AMZ1: variants seen among roughly 807,000 people sequenced by gnomAD.
The protein encoded by AMZ1 is archaemetzincin-1.
A neutral mutation model predicts 29.9 loss-of-function variants in AMZ1; 39 were observed. That is an observed-to-expected ratio of 1.30 (90% confidence interval 1.01 to 1.70). The LOEUF is 1.70. Among genes scored for constraint, AMZ1 ranks in the 40% most tolerant of loss-of-function variants. AMZ1 has a pLI of 0.00. For missense variants in AMZ1, 1,041 were observed against 680.6 expected (o/e 1.53, Z -5.89); for synonymous variants, 458 against 304.0 (o/e 1.51, Z -5.27).
intron 1 of AMZ1, among the ~76,000 whole-genome samples, chr7:2,696,012 GGAAAAA>G (rs1407212552): frequency 2.9e-5 from 4 of 139,932 alleles, no homozygotes; most frequent in Non-Finnish European, 6.1e-5. Flanking sequence ...GTCTTGGGGG[GGAAAAA>G]AAAAAAAAAA....
chr7:2,755,181 C>T (rs990344842), intron 4 of AMZ1, among the ~76,000 whole-genome samples: 1 of 152,180 alleles, frequency 6.6e-6, no homozygotes, highest in Non-Finnish European at 1.5e-5. Context: ...AGACAACAGG[C>T]CTTGGAATCA....
rs911316349 is a variant in AMZ1 at position 2,713,155 on chromosome 7, T to C, written c.*277T>C. On this transcript the variant is annotated 3_prime_UTR_variant, in exon 7 of 7. Coordinates refer to ENST00000683327, the MANE Select transcript of AMZ1 (RefSeq NM_001384743.1). ...TATTCAGGAGGCTGAGGTGGGAGGA[T>C]TGCTTGAGCCTAGGAGGTCGAGGCT... 5 of 303,004 alleles carry C rather than the reference T, an allele frequency of 1.7e-5. No individual in the cohort carries two copies. Among genetic ancestry groups the C allele is most frequent in the South Asian group, 1.3e-4 (1 of 7,822 alleles). 18.8% of individuals were successfully genotyped at this position (303,004 alleles called of 1,614,324 possible).
downstream of AMZ1, among the ~76,000 whole-genome samples, chr7:2,724,273 A>C (rs1789538592): frequency 1.3e-5 from 2 of 152,244 alleles, no homozygotes; most frequent in Admixed American, 1.3e-4. Flanking sequence ...GCTGGGGCTC[A>C]CCAGCGCCGG....
chr7:2,719,008 C>CT lies in AMZ1; in HGVS notation c.*6146dup, dbSNP rs569737913. Reference sequence around the variant, plus strand: ...GGAGGGAAGCTGCAAGAACAGGCGACTTTTTTTTTTTTTTTTCCCCCCCAT... The same window carrying CT: ...GGAGGGAAGCTGCAAGAACAGGCGACTTTTTTTTTTTTTTTTTCCCCCCCAT... On this transcript the variant is annotated 3_prime_UTR_variant, in exon 7 of 7. Transcript: ENST00000683327. Among the ~76,000 whole-genome samples, 780 of 104,914 alleles carry CT rather than the reference C, an allele frequency of 7.4e-3. 1 individual carries two copies. The highest frequency in any genetic ancestry group is 0.018 in the Middle Eastern group (4 of 220). 68.8% of individuals were successfully genotyped at this position (104,914 alleles called of 152,430 possible). A position where few individuals can be genotyped will look rare whatever the true frequency, so the allele number is the denominator to read the frequency against.
At chr7:2,725,932 C>G (rs1464193342) in intron 4 of AMZ1, among the ~76,000 whole-genome samples, 1 of 116,648 alleles carries the variant, frequency 8.6e-6, no homozygotes, top group Non-Finnish European at 1.8e-5. Flanking sequence ...GCAGTCCCCC[C>G]ACCGACTCTC....
chr7:2,758,837 C>A (rs556795043), intron 4 of AMZ1, among the ~76,000 whole-genome samples: 10 of 152,284 alleles, frequency 6.6e-5, no homozygotes, highest in Admixed American at 5.9e-4. Context: ...AGGGTTATCA[C>A]CGCATGTATC....
intron 1 of AMZ1, among the ~76,000 whole-genome samples, chr7:2,694,015 C>A (rs117548800): frequency 6.6e-6 from 1 of 152,324 alleles, no homozygotes; most frequent in African/African-American, 2.4e-5. Context: ...AGCACAGGGC[C>A]CAGCACCCAG....
chr7:2,702,679 G>A (rs750508032), intron 2 of AMZ1, 43 bp from the exon 3 acceptor site: 48 of 1,488,752 alleles, frequency 3.2e-5, no homozygotes, highest in African/African-American at 1.7e-4. Flanking sequence ...GGTCCCAGGC[G>A]GGCAGGGGCG....
rs373214634 is a variant in AMZ1, at chr7:2,702,707, C to A, written c.305-15C>A. Reference sequence around the variant, plus strand: ...CAGGGGCGTCGCAGGGCTGACGGTGCTGCTCTCCCACCAGACCTGAGCGAG... The same window carrying A: ...CAGGGGCGTCGCAGGGCTGACGGTGATGCTCTCCCACCAGACCTGAGCGAG... On this transcript the variant is annotated splice_polypyrimidine_tract_variant and intron_variant, in intron 2 of 6. Coordinates refer to ENST00000683327, the MANE Select transcript of AMZ1 (RefSeq NM_001384743.1). 1 of 1,519,244 alleles carries A rather than the reference C, an allele frequency of 6.6e-7. No individual in the cohort carries two copies. The allele number at this position is 1,519,244 out of a possible 1,614,324, so 94.1% of individuals were successfully genotyped here.
In AMZ1 at chr7:2,713,786, C is replaced by G. The variant is rs77903278; in HGVS notation, c.*908C>G. 0.013 allele frequency: 2,044 copies of G among 152,520 alleles called. 30 individuals carry two copies. Among genetic ancestry groups the G allele is most frequent in the Non-Finnish European group, 0.023 (1,562 of 68,084 alleles). 9.4% of individuals were successfully genotyped at this position (152,520 alleles called of 1,614,324 possible). A position where few individuals can be genotyped will look rare whatever the true frequency, so the allele number is the denominator to read the frequency against. Reference sequence around the variant, plus strand: ...ACTGAGGGCAGAGGCCCCCTTATTCCTGAGGCGGCTACAGCTCACCGTGGG... The same window carrying G: ...ACTGAGGGCAGAGGCCCCCTTATTCGTGAGGCGGCTACAGCTCACCGTGGG... On this transcript the variant is annotated 3_prime_UTR_variant, in exon 7 of 7. Coordinates refer to ENST00000683327, the MANE Select transcript of AMZ1 (RefSeq NM_001384743.1).
chr7:2,752,247 A>C (rs866255581), intron 4 of AMZ1, among the ~76,000 whole-genome samples: 1 of 151,866 alleles, frequency 6.6e-6, no homozygotes, highest in South Asian at 2.1e-4. Context: ...TCAGGGCTTA[A>C]AAAAAAAGTC....
chr7:2,689,115 G>T (rs148249671), intron 1 of AMZ1, among the ~76,000 whole-genome samples: 159 of 152,346 alleles, frequency 1.0e-3, no homozygotes, highest in African/African-American at 3.7e-3. Flanking sequence ...AAAACCATCC[G>T]TCCGTCTGGT....
chr7:2,695,867 G>T (rs367757163), intron 1 of AMZ1, among the ~76,000 whole-genome samples: 26 of 152,012 alleles, frequency 1.7e-4, no homozygotes, highest in African/African-American at 6.0e-4. Flanking sequence ...AAAATTAGCC[G>T]GGCGTGGTGG....
In AMZ1 at chr7:2,714,675, G is replaced by C. The variant is rs887969678; in HGVS notation, c.*1797G>C. On this transcript the variant is annotated 3_prime_UTR_variant, in exon 7 of 7. Coordinates refer to ENST00000683327, the MANE Select transcript of AMZ1 (RefSeq NM_001384743.1). ...AGCTCATGAATCTGTAACTTGGGCAGAGCTCGGTGGAGACGGTTTGCCCCT... is the reference window on the plus strand; with the variant it reads ...AGCTCATGAATCTGTAACTTGGGCACAGCTCGGTGGAGACGGTTTGCCCCT... 6.6e-6 allele frequency: 1 copy of C among 152,228 alleles called. No individual in the cohort carries two copies. The highest frequency in any genetic ancestry group is 1.5e-5 in the Non-Finnish European group (1 of 68,034). The allele number at this position is 152,228 out of a possible 1,614,324, so 9.4% of individuals were successfully genotyped here.
Position 2,712,839 on chromosome 7 carries a change from A to C in AMZ1, c.1458A>C (p.Ala486=). 1 of 1,529,890 alleles carries C rather than the reference A, an allele frequency of 6.5e-7. No individual in the cohort carries two copies. Among genetic ancestry groups the C allele is most frequent in the Non-Finnish European group, 8.8e-7 (1 of 1,138,154 alleles). The allele number at this position is 1,529,890 out of a possible 1,614,324, so 94.8% of individuals were successfully genotyped here. Residue 486 remains alanine (A), a synonymous_variant, in exon 7 of 7, where the codon GCA becomes GCC. Coordinates refer to ENST00000683327, the MANE Select transcript of AMZ1 (RefSeq NM_001384743.1). ...TGAGTGCCCGAAAACTCGCCAGAGCAGAGTCGGCCCCCCGTCCCTGGGATG... is the reference window on the plus strand; with the variant it reads ...TGAGTGCCCGAAAACTCGCCAGAGCCGAGTCGGCCCCCCGTCCCTGGGATG... The part of the protein sequence containing the change: ...RKLSARKLAR[A]ESAPRPWDGE...
intron 4 of AMZ1, among the ~76,000 whole-genome samples, chr7:2,743,570 C>A (rs1390093106): frequency 6.6e-6 from 1 of 152,124 alleles, no homozygotes; most frequent in Non-Finnish European, 1.5e-5. Context: ...TCCAAGATGG[C>A]CGAATAGGAA....
At chr7:2,723,179 CA>C (rs531759672), downstream of AMZ1, among the ~76,000 whole-genome samples, 78 of 152,246 alleles carry the variant, frequency 5.1e-4, no homozygotes, top group African/African-American at 1.8e-3. Flanking sequence ...GAAAGCACCA[CA>C]GAGTGTACAG....
intron 4 of AMZ1, among the ~76,000 whole-genome samples, chr7:2,743,681 C>G (rs1790620448): frequency 6.6e-6 from 1 of 152,162 alleles, no homozygotes; most frequent in Non-Finnish European, 1.5e-5. Flanking sequence ...GTGTGCCAGA[C>G]AGTGGGCGCA....
intron 4 of AMZ1, among the ~76,000 whole-genome samples, chr7:2,724,990 G>C (rs1430185570): frequency 1.3e-5 from 2 of 152,106 alleles, no homozygotes; most frequent in Non-Finnish European, 2.9e-5. Flanking sequence ...GTCTATTTCT[G>C]AGTTCTACCC....
Sources: gnomAD v4.1 joint callset for allele counts (sites outside exome capture counted in the v4.1 genomes callset) on GRCh38, gnomAD v4.1.1 for gene constraint, MANE v1.5 for transcripts, NCBI Gene and HGNC (gene_info 2026-07-23, HGNC 2026-07-21) for gene names.